Variants in TLK1 observed in about 807,000 individuals in gnomAD.
TLK1 encodes the protein serine/threonine-protein kinase tousled-like 1.
In TLK1, 24 loss-of-function variants were observed where a neutral mutation model predicts 105.3. The ratio of observed to expected loss-of-function variants is 0.23; its 90% CI spans 0.17 to 0.32. TLK1 has a LOEUF of 0.32. TLK1 is among the 10% of genes least tolerant of loss of function. The pLI is 1.00. For synonymous variants in TLK1, 321 were observed against 310.4 expected (o/e 1.03, Z -0.36); for missense variants, 558 against 910.5 (o/e 0.61, Z 4.98).
At chr2:171,015,646 A>G (rs1431677486) in intron 12 of TLK1, among the ~76,000 whole-genome samples, 2 of 149,724 alleles carry the variant, frequency 1.3e-5, no homozygotes, top group African/African-American at 5.0e-5. Flanking sequence ...AGCCACCAAA[A>G]CAAGTACACA....
At chr2:171,018,627 C>T (rs2217184) in intron 12 of TLK1, among the ~76,000 whole-genome samples, 146,051 of 152,306 alleles carry the variant, frequency 0.96, 70,273 homozygotes, top group East Asian at 1. Flanking sequence ...TCTGAATTCA[C>T]CACAGAATAG....
chr2:171,093,958 T>C (rs1250040409), intron 2 of TLK1, among the ~76,000 whole-genome samples: 3 of 151,984 alleles, frequency 2.0e-5, no homozygotes, highest in Admixed American at 6.6e-5. Context: ...AACCAATCTA[T>C]CACTACTCAG....
intron 1 of TLK1, among the ~76,000 whole-genome samples, chr2:171,196,122 G>GGTT (rs1553488753): frequency 2.8e-5 from 4 of 141,192 alleles, no homozygotes; most frequent in African/African-American, 1.0e-4. Context: ...ATTGTAGCTG[G>GGTT]TTTTTTTTTT....
At chr2:171,216,350 C>G (rs974428741) in intron 1 of TLK1, among the ~76,000 whole-genome samples, 1 of 152,064 alleles carries the variant, frequency 6.6e-6, no homozygotes, top group South Asian at 2.1e-4. Flanking sequence ...GTGGTGGGCG[C>G]CTGTAGTCCC....
intron 1 of TLK1, among the ~76,000 whole-genome samples, chr2:171,149,759 A>G (rs1227700016): frequency 6.6e-6 from 1 of 152,170 alleles, no homozygotes; most frequent in Non-Finnish European, 1.5e-5. Flanking sequence ...TTAAAAAATC[A>G]GCAGGATATG....
At chr2:171,033,559 G>A (rs1030761751) in intron 11 of TLK1, among the ~76,000 whole-genome samples, 3 of 151,478 alleles carry the variant, frequency 2.0e-5, no homozygotes, top group Non-Finnish European at 4.4e-5. Flanking sequence ...AAATAACCAA[G>A]AGTATAATTG....
At chr2:171,069,043 A>G (rs1260956781) in intron 3 of TLK1, among the ~76,000 whole-genome samples, 1 of 152,252 alleles carries the variant, frequency 6.6e-6, no homozygotes, top group Non-Finnish European at 1.5e-5. Context: ...CATTTATCAG[A>G]TTAAACATTT....
At chr2:171,032,579 T>C (rs1199687488) in intron 11 of TLK1, among the ~76,000 whole-genome samples, 2 of 152,168 alleles carry the variant, frequency 1.3e-5, no homozygotes, top group Non-Finnish European at 2.9e-5. Flanking sequence ...AAAATATTGC[T>C]AAGGAGTTCA....
chr2:171,208,493 G>A (rs1016705414), intron 1 of TLK1, among the ~76,000 whole-genome samples: 10 of 151,998 alleles, frequency 6.6e-5, no homozygotes, highest in Admixed American at 2.6e-4. Context: ...TCTCCTCTCC[G>A]TGCTTAAAAA....
chr2:171,055,202 G>GAAA, intron 6 of TLK1, 30 bp from the exon 7 acceptor site: 16 of 420,152 alleles, frequency 3.8e-5, no homozygotes, highest in South Asian at 6.0e-5. Context: ...TTTTATATTA[G>GAAA]CAAAAAAAAA....
At chr2:171,128,741 TACATGTACATGTATATATATATAC>T (rs1257135369) in intron 1 of TLK1, among the ~76,000 whole-genome samples, 48 of 152,164 alleles carry the variant, frequency 3.2e-4, no homozygotes, top group Non-Finnish European at 6.0e-4. Context: ...ATTGTGTATA[TACATGTACATGTATATATATATAC>T]ACATACATAC....
intron 18 of TLK1, among the ~76,000 whole-genome samples, chr2:171,001,607 CA>C (rs1684376309): frequency 6.6e-6 from 1 of 152,180 alleles, no homozygotes; most frequent in Non-Finnish European, 1.5e-5. Context: ...TTGCATAAAA[CA>C]GTAGAGTTAC....
intron 1 of TLK1, among the ~76,000 whole-genome samples, chr2:171,216,293 G>A (rs1274449887): frequency 2.0e-5 from 3 of 152,044 alleles, no homozygotes; most frequent in Non-Finnish European, 4.4e-5. Context: ...TGGCTAATAC[G>A]GTGAAACCCT....
chr2:171,088,825 C>G (rs1689095364), intron 2 of TLK1, among the ~76,000 whole-genome samples: 1 of 152,162 alleles, frequency 6.6e-6, no homozygotes, highest in Admixed American at 6.5e-5. Context: ...TATCTTTCCT[C>G]AAGAAGCAAC....
At chr2:171,077,906 G>A (rs1347687845) in intron 3 of TLK1, among the ~76,000 whole-genome samples, 2 of 152,120 alleles carry the variant, frequency 1.3e-5, no homozygotes, top group East Asian at 3.8e-4. Context: ...ATGTGTTGGC[G>A]CTTTTATAAA....
At chr2:171,005,503 T>C (rs1684609884) in intron 18 of TLK1, among the ~76,000 whole-genome samples, 1 of 152,198 alleles carries the variant, frequency 6.6e-6, no homozygotes, top group South Asian at 2.1e-4. Context: ...CCAAGCACTT[T>C]GGGAGAGGCA....
intron 10 of TLK1, among the ~76,000 whole-genome samples, chr2:171,047,546 A>T (rs1413305568): frequency 6.6e-6 from 1 of 152,222 alleles, no homozygotes; most frequent in Non-Finnish European, 1.5e-5. Flanking sequence ...ATCTAGGTAG[A>T]AGATTGAAAG....
At position 171,168,962 on chromosome 2, in the gene TLK1, C is replaced by A. The variant is rs1381132032; in HGVS notation, c.-5-51105G>T. Among the ~76,000 whole-genome samples the A allele has an allele frequency of 2.6e-5, 4 of 152,152 alleles. No homozygotes were observed. The East Asian group carries it at 7.7e-4, about 29-fold the overall frequency. On this transcript the variant is annotated intron_variant, in intron 1 of 20. Transcript: ENST00000521943. The stretch of plus-strand genomic sequence containing the variant: ...GTGTGGTGGCGCATGCCTGTAATCC[C>A]AGCTACTTGGGAGGCTGAGGCAGGA...
At chr2:171,055,475 AT>A (rs942318887) in intron 6 of TLK1, among the ~76,000 whole-genome samples, 16 of 152,040 alleles carry the variant, frequency 1.1e-4, no homozygotes, top group East Asian at 5.8e-4. Flanking sequence ...TAAAAAAAAA[AT>A]AAGGCCAAAT....
Sources: gnomAD v4.1 joint callset for allele counts (sites outside exome capture counted in the v4.1 genomes callset) on GRCh38, gnomAD v4.1.1 for gene constraint, MANE v1.5 for transcripts, NCBI Gene and HGNC (gene_info 2026-07-23, HGNC 2026-07-21) for gene names.